SHLD1: variants seen among roughly 807,000 people sequenced by gnomAD.
SHLD1 encodes RINN1-REV7-interacting novel NHEJ regulator 3.
Under a neutral mutation model 5.5 loss-of-function variants are expected in SHLD1, and 3 were observed. The ratio of observed to expected loss-of-function variants is 0.54; its 90% CI spans 0.25 to 1.40. The LOEUF is 1.40. SHLD1 is among the 40% of genes most tolerant of loss of function. The pLI is 0.15. For missense variants in SHLD1, 210 were observed against 244.4 expected (o/e 0.86, Z 0.94); for synonymous variants, 92 against 94.3 (o/e 0.98, Z 0.14).
chr20:5,827,495 C>T (rs1252402764), intron 2 of SHLD1, among the ~76,000 whole-genome samples: 1 of 152,130 alleles, frequency 6.6e-6, no homozygotes. Context: ...AGTCTGCAGC[C>T]CCCACCCAGC....
intron 2 of SHLD1, among the ~76,000 whole-genome samples, chr20:5,822,828 A>AC: frequency 6.6e-6 from 1 of 152,030 alleles, no homozygotes; most frequent in East Asian, 1.9e-4. Flanking sequence ...TAAAAAAAAA[A>AC]ATCCATGACC....
At chr20:5,814,193 C>T (rs895843524) in intron 2 of SHLD1, among the ~76,000 whole-genome samples, 3 of 151,752 alleles carry the variant, frequency 2.0e-5, no homozygotes, top group South Asian at 2.1e-4. Flanking sequence ...TGAGCTCAAG[C>T]GATCCACCCA....
intron 1 of SHLD1, among the ~76,000 whole-genome samples, chr20:5,770,036 T>C (rs1041252256): frequency 1.4e-5 from 2 of 146,902 alleles, no homozygotes; most frequent in Admixed American, 6.8e-5. Flanking sequence ...AGGAATTACC[T>C]ATGTGATGAG....
intron 2 of SHLD1, among the ~76,000 whole-genome samples, chr20:5,817,254 C>T (rs2087541568): frequency 6.6e-6 from 1 of 152,000 alleles, no homozygotes. Flanking sequence ...AGATGCTGGA[C>T]TTAGTGATAT....
At chr20:5,799,467 ATTTT>A (rs548170853) in intron 2 of SHLD1, among the ~76,000 whole-genome samples, 1 of 98,494 alleles carries the variant, frequency 1.0e-5, no homozygotes, top group African/African-American at 4.2e-5. Flanking sequence ...TGCCTGGCTA[ATTTT>A]TTTTTTTTTT....
At chr20:5,813,989 G>C (rs2087494860) in intron 2 of SHLD1, among the ~76,000 whole-genome samples, 1 of 110,058 alleles carries the variant, frequency 9.1e-6, no homozygotes. Context: ...GTCTCACTCT[G>C]TCTCCCACGC....
chr20:5,820,271 T>C (rs192867261), intron 2 of SHLD1, among the ~76,000 whole-genome samples: 368 of 152,350 alleles, frequency 2.4e-3, no homozygotes, highest in Non-Finnish European at 4.1e-3. Flanking sequence ...TTCAAATATA[T>C]GTCACATTCA....
At chr20:5,822,921 T>C (rs2087623188) in intron 2 of SHLD1, among the ~76,000 whole-genome samples, 1 of 152,076 alleles carries the variant, frequency 6.6e-6, no homozygotes, top group African/African-American at 2.4e-5. Context: ...TATTTGTCTA[T>C]ACTCACTCTC....
chr20:5,775,293 A>G (rs942491536), intron 2 of SHLD1, among the ~76,000 whole-genome samples: 2 of 151,852 alleles, frequency 1.3e-5, no homozygotes, highest in African/African-American at 4.8e-5. Context: ...TCCTCCCACC[A>G]TGGCCTCCCA....
intron 1 of SHLD1, among the ~76,000 whole-genome samples, chr20:5,755,713 C>T (rs1984049304): frequency 6.6e-6 from 1 of 152,076 alleles, no homozygotes; most frequent in Admixed American, 6.6e-5. Context: ...GCACGCACCA[C>T]CGCGCCTGGC....
Position 5,863,560 on chromosome 20 carries a change from C to G in SHLD1, c.*97C>G. 1 of 1,228,386 alleles carries G rather than the reference C, an allele frequency of 8.1e-7. No homozygotes were observed. Among genetic ancestry groups the G allele is most frequent in the South Asian group, 1.5e-5 (1 of 68,026 alleles). The allele number at this position is 1,228,386 out of a possible 1,614,324, so 76.1% of individuals were successfully genotyped here. ...GATCCCCTAGGGTCTCTGGCCAGCT[C>G]TGTGTGCCCAATCCCAATTAAGTGC... On this transcript the variant is annotated 3_prime_UTR_variant, in exon 3 of 3. Transcript: ENST00000303142.
intron 1 of SHLD1, among the ~76,000 whole-genome samples, chr20:5,759,336 T>G (rs1282441007): frequency 6.6e-6 from 1 of 152,014 alleles, no homozygotes; most frequent in African/African-American, 2.4e-5. Context: ...CTCAGCTCAC[T>G]GCAACCTCTG....
intron 2 of SHLD1, among the ~76,000 whole-genome samples, chr20:5,824,858 G>T (rs2087648269): frequency 6.6e-6 from 1 of 152,068 alleles, no homozygotes; most frequent in African/African-American, 2.4e-5. Context: ...TAAAGTTGTG[G>T]ATGAATTCTT....
chr20:5,844,136 AGTGATC>A (rs1449959404), intron 2 of SHLD1, among the ~76,000 whole-genome samples: 1 of 152,188 alleles, frequency 6.6e-6, no homozygotes, highest in Non-Finnish European at 1.5e-5. Context: ...GGGTGTTGAG[AGTGATC>A]TCCTATAACT....
At chr20:5,803,826 C>T (rs1172368491) in intron 2 of SHLD1, among the ~76,000 whole-genome samples, 5 of 150,588 alleles carry the variant, frequency 3.3e-5, no homozygotes, top group East Asian at 2.0e-4. Context: ...GAACCGAGAT[C>T]GCGCCACTGC....
intron 1 of SHLD1, among the ~76,000 whole-genome samples, chr20:5,766,985 C>T (rs1984867582): frequency 1.3e-5 from 2 of 152,074 alleles, no homozygotes. Flanking sequence ...GCATAGGATG[C>T]CATAATTTGG....
At chr20:5,783,850 G>A (rs2087019908) in intron 2 of SHLD1, among the ~76,000 whole-genome samples, 2 of 151,962 alleles carry the variant, frequency 1.3e-5, no homozygotes, top group African/African-American at 4.8e-5. Context: ...GAACCAGGAG[G>A]AGTTCGAAAA....
intron 2 of SHLD1, among the ~76,000 whole-genome samples, chr20:5,784,427 T>TTTTA (rs1568500947): frequency 6.6e-6 from 1 of 151,672 alleles, no homozygotes; most frequent in Non-Finnish European, 1.5e-5. Flanking sequence ...AATAGAATTA[T>TTTTA]TTTATTTATT....
chr20:5,814,056 G>A (rs1336013139), intron 2 of SHLD1, among the ~76,000 whole-genome samples: 2 of 147,176 alleles, frequency 1.4e-5, no homozygotes, highest in East Asian at 2.1e-4. Flanking sequence ...TGGTTCAAGC[G>A]ATTCTCCTAC....
Sources: allele counts gnomAD v4.1 joint callset (sites outside exome capture counted in the v4.1 genomes callset), GRCh38; gene constraint gnomAD v4.1.1; transcripts MANE v1.5; gene names NCBI Gene and HGNC (gene_info 2026-07-23, HGNC 2026-07-21).